The following TRIML2 variants were observed in gnomAD, a reference collection of about 807,000 sequenced individuals.
The protein encoded by TRIML2 is tripartite motif family like 2.
TRIML2 carries 28 observed loss-of-function variants against 31.2 expected under a neutral mutation model. The ratio of observed to expected loss-of-function variants is 0.90; its 90% CI spans 0.66 to 1.23. The LOEUF (loss-of-function observed/expected upper bound fraction) is 1.23. Ranked by LOEUF, TRIML2 falls within the 50% of genes most tolerant of loss-of-function variation. TRIML2 has a pLI of 0.00. For missense variants in TRIML2, 536 were observed against 528.3 expected, an observed-to-expected ratio of 1.01 and a Z score of -0.14; for synonymous variants, 187 against 197.5, an observed-to-expected ratio of 0.95 and a Z score of 0.45.
chr4:188,104,760 CTTTG>C (rs1733951814), intron 3 of TRIML2, 73 bp downstream of exon 3: 2 of 1,197,748 alleles, frequency 1.7e-6, no homozygotes, highest in South Asian at 2.5e-5. Context: ...TGTCTTTTGA[CTTTG>C]TTTATGATAC....
chr4:188,108,309 G>A (rs766562551), intron 1 of TRIML2, among the ~76,000 whole-genome samples: 71 of 152,230 alleles, frequency 4.7e-4, no homozygotes, highest in Non-Finnish European at 9.0e-4. Flanking sequence ...GAATGTCTAA[G>A]GAGCACTCAA....
intron 7 of TRIML2, among the ~76,000 whole-genome samples, chr4:188,093,305 T>A (rs1733347554): frequency 6.6e-6 from 1 of 152,220 alleles, no homozygotes; most frequent in Non-Finnish European, 1.5e-5. Flanking sequence ...ACGTCTTGAA[T>A]TTTTAAAAAA....
Position 188,091,548 on chromosome 4 carries a change from T to G in TRIML2, c.1139A>C (p.Gln380Pro), listed in dbSNP as rs201585762. 6.2e-7 allele frequency: 1 copy of G among 1,614,194 alleles called. No individual in the cohort carries two copies. The highest frequency in any genetic ancestry group is 1.3e-5 in the African/African-American group (1 of 75,058). Residue 380 changes from glutamine to proline, a missense_variant, in exon 8 of 8, where the codon CAG (glutamine) becomes CCG (proline). By Grantham distance (76) the Gln-to-Pro change is moderately conservative (BLOSUM62 -1). Transcript: ENST00000682553. ...VGVFLDCEHG[Q>P]ISFYNVTEMS... The stretch of plus-strand genomic sequence containing the variant: ...CTCGGTCACATTGTAGAATGATATC[T>G]GCCCGTGTTCGCAGTCAAGGAAAAC...
rs1179922227 is a variant in TRIML2, at chr4:188,101,144, A to G, written c.392T>C (p.Ile131Thr). ...GGTTTCTCTCAGGTTCAAGTCAGAT[A>G]TGCATTCCTGCTGTCTCTGGAGATT... ...EQNLQRQQEC[I>T]SDLNLRETLL... is the part of the protein sequence containing the mutation. Residue 131 changes from isoleucine (I) to threonine (T), a missense_variant, in exon 4 of 8, where the codon ATA becomes ACA. Coordinates refer to ENST00000682553, the MANE Select transcript of TRIML2 (RefSeq NM_173553.4). 1 of 1,613,962 alleles carries G rather than the reference A, an allele frequency of 6.2e-7. No individual in the cohort carries two copies. The highest frequency in any genetic ancestry group is 1.7e-5 in the Admixed American group (1 of 59,988).
rs951745782 is a variant in TRIML2, at chr4:188,105,184, T to G, written c.185A>C (p.Tyr62Ser). 2 of 1,596,292 alleles carry G rather than the reference T, an allele frequency of 1.3e-6. No individual in the cohort carries two copies. Among genetic ancestry groups the G allele is most frequent in the African/African-American group, 2.7e-5 (2 of 74,778 alleles). ...ATTTGCGTGAGTGACTCTTACCCTG[T>G]AATTCTCAGCAGCCTCTTGTATCCC... ...VCGIQEAAENYRKLFQEILNT... is the reference protein window; with the variant it reads ...VCGIQEAAENSRKLFQEILNT... The change falls in exon 2 of 8, where the codon TAC (tyrosine) becomes TCC (serine). Residue 62 changes from tyrosine to serine, a missense_variant. Coordinates refer to ENST00000682553, the MANE Select transcript of TRIML2 (RefSeq NM_173553.4).
chr4:188,094,667 G>A (rs1245812638), intron 7 of TRIML2, among the ~76,000 whole-genome samples: 1 of 152,122 alleles, frequency 6.6e-6, no homozygotes, highest in East Asian at 1.9e-4. Context: ...TGTATTCCTG[G>A]ACTGAAAGCA....
intron 2 of TRIML2, 77 bp downstream of exon 2, chr4:188,105,103 A>C: frequency 1.3e-6 from 2 of 1,517,408 alleles, no homozygotes; most frequent in Non-Finnish European, 1.8e-6. Flanking sequence ...ATGGTTTTGG[A>C]GGACCAGAAT....
chr4:188,094,528 A>G (rs1342221711), intron 7 of TRIML2, among the ~76,000 whole-genome samples: 1 of 152,222 alleles, frequency 6.6e-6, no homozygotes, highest in East Asian at 1.9e-4. Flanking sequence ...ATTTTAAAAT[A>G]CCGTTTACAG....
chr4:188,105,184 T>C lies in TRIML2; in HGVS notation c.185A>G (p.Tyr62Cys). 1.3e-6 allele frequency: 2 copies of C among 1,596,292 alleles called. No individual in the cohort carries two copies. Among genetic ancestry groups the C allele is most frequent in the East Asian group, 4.5e-5 (2 of 44,334 alleles). Residue 62 changes from tyrosine to cysteine, a missense_variant, in exon 2 of 8, where the codon TAC becomes TGC. Physicochemically the swap from Tyr to Cys is radical, Grantham distance 194. Transcript: ENST00000682553. ...VCGIQEAAEN[Y>C]RKLFQEILNT... ...ATTTGCGTGAGTGACTCTTACCCTG[T>C]AATTCTCAGCAGCCTCTTGTATCCC...
At chr4:188,095,751 A>G (rs1445286758) in intron 7 of TRIML2, among the ~76,000 whole-genome samples, 1 of 152,240 alleles carries the variant, frequency 6.6e-6, no homozygotes. Flanking sequence ...CCACACAAAA[A>G]TCTGCTGCTA....
intron 3 of TRIML2, among the ~76,000 whole-genome samples, chr4:188,104,465 C>G (rs1299222998): frequency 1.3e-5 from 2 of 151,924 alleles, no homozygotes; most frequent in Admixed American, 6.6e-5. Flanking sequence ...CCAGTTCAAG[C>G]GATTCTCCTG....
intron 1 of TRIML2, among the ~76,000 whole-genome samples, chr4:188,108,154 G>A (rs1734121076): frequency 6.6e-6 from 1 of 152,056 alleles, no homozygotes; most frequent in African/African-American, 2.4e-5. Context: ...CACATCCTCT[G>A]AACCTCTCAA....
At chr4:188,096,528 CAAAAAAAAAAAAAAAA>C (rs10607852) in intron 7 of TRIML2, among the ~76,000 whole-genome samples, 4 of 39,288 alleles carry the variant, frequency 1.0e-4, no homozygotes, top group South Asian at 1.3e-3. Flanking sequence ...AACTCTGTCT[CAAAAAAAAAAAAAAAA>C]AAAAAAAAAA....
chr4:188,099,251 T>C (rs536684682), intron 4 of TRIML2, 76 bp from the exon 5 acceptor site: 10 of 1,499,860 alleles, frequency 6.7e-6, no homozygotes, highest in Admixed American at 2.3e-5. Flanking sequence ...CTCCTATAGA[T>C]TAATTCAACC....
At chr4:188,105,088 A>G (rs1733969310) in intron 2 of TRIML2, 92 bp downstream of exon 2, 1 of 1,462,366 alleles carries the variant, frequency 6.8e-7, no homozygotes, top group Non-Finnish European at 9.4e-7. Flanking sequence ...ACATCAACTA[A>G]GGTAATGGTT....
At chr4:188,103,478 C>A (rs1264874829) in intron 3 of TRIML2, among the ~76,000 whole-genome samples, 1 of 152,034 alleles carries the variant, frequency 6.6e-6, no homozygotes, top group African/African-American at 2.4e-5. Flanking sequence ...CACCTACAGC[C>A]CCCGTTTCCT....
At position 188,101,057 on chromosome 4, in the gene TRIML2, T is replaced by A; in HGVS notation, c.479A>T (p.Gln160Leu). The A allele has an allele frequency of 6.2e-7, 1 of 1,606,686 alleles. No individual in the cohort carries two copies. Among genetic ancestry groups the A allele is most frequent in the Non-Finnish European group, 8.5e-7 (1 of 1,175,562 alleles). Reference sequence around the variant, plus strand: ...AGGATGTTGTTTTCAATATCTCACCTGTAGCATTTCCTGGAACATCTCCTC... The same window carrying A: ...AGGATGTTGTTTTCAATATCTCACCAGTAGCATTTCCTGGAACATCTCCTC... ...ELEEMFQEMLQRLGRVGRENM... is the reference protein window; with the variant it reads ...ELEEMFQEMLLRLGRVGRENM... Residue 160 changes from glutamine (Q) to leucine (L), a missense_variant and splice_region_variant, in exon 4 of 8, where the codon CAG (glutamine) becomes CTG (leucine). Coordinates refer to ENST00000682553, the MANE Select transcript of TRIML2 (RefSeq NM_173553.4).
At chr4:188,096,854 A>G (rs950749483) in intron 7 of TRIML2, among the ~76,000 whole-genome samples, 1 of 151,944 alleles carries the variant, frequency 6.6e-6, no homozygotes, top group African/African-American at 2.4e-5. Flanking sequence ...ATGGGATTTC[A>G]CCATGTTGGT....
intron 7 of TRIML2, among the ~76,000 whole-genome samples, chr4:188,093,500 A>G (rs944263628): frequency 1.3e-4 from 20 of 151,826 alleles, no homozygotes; most frequent in Admixed American, 1.2e-3. Flanking sequence ...CCCCATCTCT[A>G]CTAAAATTAC....
Sources: allele counts gnomAD v4.1 joint callset (sites outside exome capture counted in the v4.1 genomes callset), GRCh38; gene constraint gnomAD v4.1.1; transcripts MANE v1.5; gene names NCBI Gene and HGNC (gene_info 2026-07-23, HGNC 2026-07-21).